Variants in FAM83G observed in about 807,000 individuals in gnomAD.
FAM83G encodes protein FAM83G.
A neutral mutation model predicts 61.5 loss-of-function variants in FAM83G; 38 were observed. The ratio of observed to expected loss-of-function variants is 0.62; its 90% CI spans 0.48 to 0.81. FAM83G has a LOEUF of 0.81. Ranked by LOEUF, FAM83G falls within the 30% of genes least tolerant of loss-of-function variation. The pLI, the probability that FAM83G is intolerant of heterozygous loss-of-function variation, is 0.00. For missense variants in FAM83G, 989 were observed against 1,133.6 expected (o/e 0.87, Z 1.83); for synonymous variants, 470 against 476.1 (o/e 0.99, Z 0.17).
At chr17:19,005,796 T>C (rs1228717777), upstream of FAM83G, among the ~76,000 whole-genome samples, 1 of 152,180 alleles carries the variant, frequency 6.6e-6, no homozygotes, top group African/African-American at 2.4e-5. Flanking sequence ...TCCTACACTC[T>C]GCCATATAGC....
chr17:18,992,243 C>T (rs972872623), intron 2 of FAM83G, among the ~76,000 whole-genome samples: 4 of 152,184 alleles, frequency 2.6e-5, no homozygotes, highest in Admixed American at 2.0e-4. Flanking sequence ...TGTCTCGAAT[C>T]CCCCACCTCC....
intron 2 of FAM83G, among the ~76,000 whole-genome samples, chr17:18,999,167 A>G (rs555754676): frequency 1.3e-5 from 2 of 152,152 alleles, no homozygotes; most frequent in South Asian, 4.1e-4. Flanking sequence ...AATTCCAGCT[A>G]CTCAGGAGGC....
chr17:18,970,900 A>G lies in FAM83G; in HGVS notation c.*459T>C. ...ACACTGGGAAAGATGAGGTGGAAAA[A>G]ACTCAAGTTTGATGCATCAGGAAGT... On this transcript the variant is annotated 3_prime_UTR_variant, in exon 6 of 6. Transcript: ENST00000388995. 10 of 967,536 alleles carry G rather than the reference A, an allele frequency of 1.0e-5. No homozygotes were observed. Among genetic ancestry groups the G allele is most frequent in the Non-Finnish European group, 1.4e-5 (9 of 630,178 alleles). The allele number at this position is 967,536 out of a possible 1,614,324, so 59.9% of individuals were successfully genotyped here. A position where few individuals can be genotyped will look rare whatever the true frequency, so the allele number is the denominator to read the frequency against.
intron 4 of FAM83G, chr17:18,979,181 GCCA>G: frequency 4.2e-6 from 2 of 477,616 alleles, no homozygotes; most frequent in African/African-American, 1.9e-5. Context: ...CGTCTATGCT[GCCA>G]CCAACCCCCA....
At chr17:18,974,596 C>A (rs2042934294) in intron 5 of FAM83G, among the ~76,000 whole-genome samples, 1 of 152,230 alleles carries the variant, frequency 6.6e-6, no homozygotes, top group South Asian at 2.1e-4. Context: ...TCAGTCATAA[C>A]AGCAACCACA....
chr17:18,976,611 G>C (rs752188878), intron 5 of FAM83G: 5 of 531,910 alleles, frequency 9.4e-6, no homozygotes, highest in Non-Finnish European at 1.3e-5. Flanking sequence ...CCTATTGACA[G>C]GTCAGGGGAC....
Position 18,977,946 on chromosome 17 carries a change from T to C in FAM83G, c.1720A>G (p.Asn574Asp), listed in dbSNP as rs777664075. The C allele has an allele frequency of 2.5e-6, 4 of 1,604,760 alleles. No individual in the cohort carries two copies. The highest frequency in any genetic ancestry group is 3.4e-6 in the Non-Finnish European group (4 of 1,175,362). The change falls in exon 5 of 6, where the codon AAT becomes GAT. Residue 574 changes from asparagine (N) to aspartate (D), a missense_variant. Asn to Asp is a conservative substitution (Grantham distance 23, BLOSUM62 1). This residue lies in a region of FAM83G where 574 missense variants were observed against 645.1 expected (regional missense o/e 0.89). Coordinates refer to ENST00000388995, the MANE Select transcript of FAM83G (RefSeq NM_001039999.3). Reference protein sequence around the residue: ...DPESLGVGLPNGLDGVEEEDD... With the variant: ...DPESLGVGLPDGLDGVEEEDD... ...TCTTCTTCCACCCCATCCAGCCCATTGGGGAGCCCCACCCCGAGGCTCTCG... is the reference window on the plus strand; with the variant it reads ...TCTTCTTCCACCCCATCCAGCCCATCGGGGAGCCCCACCCCGAGGCTCTCG...
At chr17:18,982,145 C>T (rs1440637718) in intron 3 of FAM83G, among the ~76,000 whole-genome samples, 1 of 152,264 alleles carries the variant, frequency 6.6e-6, no homozygotes, top group Non-Finnish European at 1.5e-5. Flanking sequence ...CAGGCCTCGG[C>T]TGGGCCGCTG....
intron 4 of FAM83G, 57 bp from the exon 5 acceptor site, chr17:18,978,907 C>G: frequency 6.3e-7 from 1 of 1,577,300 alleles, no homozygotes; most frequent in Non-Finnish European, 8.6e-7. Context: ...CTCCGCCCAG[C>G]CCCCGTGCAC....
Position 18,978,438 on chromosome 17 carries a change from A to G in FAM83G, c.1228T>C (p.Tyr410His). Residue 410 changes from tyrosine to histidine, a missense_variant, in exon 5 of 6, where the codon TAC becomes CAC. Coordinates refer to ENST00000388995, the MANE Select transcript of FAM83G (RefSeq NM_001039999.3). ...LHLERANMFEYLPTWVEPDPE... is the reference protein window; with the variant it reads ...LHLERANMFEHLPTWVEPDPE... ...TCTGGCTCCACCCACGTGGGCAGGT[A>G]CTCAAACATGTTGGCCCTCTCCAGG... 1 of 1,601,528 alleles carries G rather than the reference A, an allele frequency of 6.2e-7. No individual in the cohort carries two copies. Among genetic ancestry groups the G allele is most frequent in the Non-Finnish European group, 8.5e-7 (1 of 1,174,088 alleles).
At chr17:18,984,440 G>A (rs934006004) in intron 3 of FAM83G, among the ~76,000 whole-genome samples, 7 of 152,106 alleles carry the variant, frequency 4.6e-5, no homozygotes, top group South Asian at 2.1e-4. Context: ...CCCGGGGAAC[G>A]GGGGAACCTG....
In FAM83G at chr17:19,003,388, C is replaced by T; in HGVS notation, c.522+132G>A. On this transcript the variant is annotated intron_variant, in intron 2 of 5. Transcript: ENST00000388995. The surrounding 1 kb of genome is among the most constrained non-coding windows in gnomAD (Gnocchi z 4.5). ...GGGGAGGAAACCTCCACCCAAGAGG[C>T]AGCCAGGGAAAACAGCAGAGATCCC... The T allele has an allele frequency of 1.0e-6, 1 of 997,424 alleles. No individual in the cohort carries two copies. Among genetic ancestry groups the T allele is most frequent in the Non-Finnish European group, 1.3e-6 (1 of 742,262 alleles). The allele number at this position is 997,424 out of a possible 1,614,324, so 61.8% of individuals were successfully genotyped here.
In FAM83G at chr17:18,996,068, A is replaced by G. The variant is rs1280313931; in HGVS notation, c.522+7452T>C. ...ACAACTGCATGTCAAGGAACAAAGT[A>G]AGTGGACTTCTCATCAGAATCACTG... is the stretch of plus-strand genomic sequence containing the variant. On this transcript the variant is annotated intron_variant, in intron 2 of 5. Coordinates refer to ENST00000388995, the MANE Select transcript of FAM83G (RefSeq NM_001039999.3). The surrounding 1 kb of genome is among the most constrained non-coding windows in gnomAD (Gnocchi z 4.4). 6.6e-6 allele frequency among the ~76,000 whole-genome samples: 1 copy of G among 152,112 alleles called. No homozygotes were observed. The highest frequency in any genetic ancestry group is 1.5e-5 in the Non-Finnish European group (1 of 68,028).
At chr17:18,980,064 T>A (rs2043090646) in intron 3 of FAM83G, among the ~76,000 whole-genome samples, 1 of 152,068 alleles carries the variant, frequency 6.6e-6, no homozygotes, top group South Asian at 2.1e-4. Context: ...GCACACGTTT[T>A]AGAAGTGTCT....
intron 5 of FAM83G, chr17:18,977,307 C>T: frequency 1.7e-6 from 1 of 581,416 alleles, no homozygotes; most frequent in Non-Finnish European, 3.0e-6. Flanking sequence ...GATCCTCTAA[C>T]CACAGGCTTT....
Position 18,979,641 on chromosome 17 carries a change from C to T in FAM83G, c.723G>A (p.Glu241=). The change falls in exon 4 of 6, where the codon GAG becomes GAA. Residue 241 remains glutamate, a synonymous_variant. Coordinates refer to ENST00000388995, the MANE Select transcript of FAM83G (RefSeq NM_001039999.3). The part of the protein sequence containing the change: ...NLRVRSSGGT[E]FFTRSATKFK... ...ACTTGGTTGCCGACCGCGTGAAGAA[C>T]TCAGTTCCCCCGCTGCTCCGCACTC... The T allele has an allele frequency of 6.2e-7, 1 of 1,613,572 alleles. No homozygotes were observed. The highest frequency in any genetic ancestry group is 8.5e-7 in the Non-Finnish European group (1 of 1,180,004).
At chr17:18,990,754 G>A (rs555570990) in intron 2 of FAM83G, among the ~76,000 whole-genome samples, 20 of 152,234 alleles carry the variant, frequency 1.3e-4, no homozygotes, top group Non-Finnish European at 2.5e-4. Flanking sequence ...AGATGGGTTT[G>A]TAACAGGCAC....
chr17:18,988,184 T>C, intron 3 of FAM83G, 63 bp downstream of exon 3: 2 of 1,578,746 alleles, frequency 1.3e-6, no homozygotes, highest in Non-Finnish European at 1.7e-6. Context: ...ACTCGAAGTG[T>C]TTGTTGACAG....
chr17:18,978,819 T>C lies in FAM83G; in HGVS notation c.847A>G (p.Asn283Asp). 1 of 1,612,688 alleles carries C rather than the reference T, an allele frequency of 6.2e-7. No homozygotes were observed. The highest frequency in any genetic ancestry group is 8.5e-7 in the Non-Finnish European group (1 of 1,179,870). Residue 283 changes from asparagine (N) to aspartate (D), a missense_variant, in exon 5 of 6, where the codon AAT becomes GAT. Physicochemically the swap from Asn to Asp is conservative, Grantham distance 23. Around this residue, in one of 3 missense-constraint regions of FAM83G, gnomAD observed 371 missense variants for 404.5 expected, o/e 0.92. Coordinates refer to ENST00000388995, the MANE Select transcript of FAM83G (RefSeq NM_001039999.3). Reference protein sequence around the residue: ...FTWSAARTDRNVISVLSGQVV... With the variant: ...FTWSAARTDRDVISVLSGQVV... ...TGGCCAGACAGCACAGAGATCACAT[T>C]CCGGTCCGTCCGCGCGGCCGACCAC...
Sources: gnomAD v4.1 joint callset for allele counts (sites outside exome capture counted in the v4.1 genomes callset) on GRCh38, gnomAD v4.1.1 for gene constraint, gnomAD v4.1.1 regional missense constraint, Gnocchi (gnomAD v3.1) non-coding constraint, MANE v1.5 for transcripts, NCBI Gene and HGNC (gene_info 2026-07-23, HGNC 2026-07-21) for gene names.